ANKRD12: variants seen among roughly 807,000 people sequenced by gnomAD.
ANKRD12 encodes the protein ankyrin repeat domain-containing protein 12.
In ANKRD12, 85 loss-of-function variants were observed where a neutral mutation model predicts 183.4. The observed-to-expected ratio is 0.46, with a 90% CI of 0.39 to 0.56. The LOEUF (loss-of-function observed/expected upper bound fraction) is 0.56, where lower values mean the gene tolerates loss of function less well. Among genes scored for constraint, ANKRD12 ranks in the 20% least tolerant of loss-of-function variants. The pLI, the probability that ANKRD12 is intolerant of heterozygous loss-of-function variation, is 0.00. For synonymous variants in ANKRD12, 914 were observed against 800.2 expected, an observed-to-expected ratio of 1.14 and a Z score of -2.40; for missense variants, 2,405 against 2,357.1, an observed-to-expected ratio of 1.02 and a Z score of -0.42.
intron 7 of ANKRD12, among the ~76,000 whole-genome samples, chr18:9,217,228 C>CT (rs372438445): frequency 1.6e-4 from 25 of 152,168 alleles, no homozygotes; most frequent in African/African-American, 5.8e-4. Flanking sequence ...AATTGCCTAT[C>CT]TTTTGAAGGG....
At chr18:9,177,708 A>G (rs923004467) in intron 1 of ANKRD12, among the ~76,000 whole-genome samples, 2 of 151,998 alleles carry the variant, frequency 1.3e-5, no homozygotes, top group South Asian at 4.1e-4. Context: ...TCTACCCTTT[A>G]ATCAACCTCC....
chr18:9,204,953 C>T (rs1044474475), intron 4 of ANKRD12, among the ~76,000 whole-genome samples: 1 of 152,142 alleles, frequency 6.6e-6, no homozygotes, highest in African/African-American at 2.4e-5. Context: ...GTCATCTTAC[C>T]GTTTAGTCAT....
chr18:9,177,436 A>G (rs1390414053), intron 1 of ANKRD12, among the ~76,000 whole-genome samples: 1 of 125,626 alleles, frequency 8.0e-6, no homozygotes, highest in Non-Finnish European at 1.8e-5. Context: ...TTTTAAAATT[A>G]ATCGTTTAAT....
At chr18:9,241,499 A>T (rs1408845313) in intron 8 of ANKRD12, among the ~76,000 whole-genome samples, 1 of 152,164 alleles carries the variant, frequency 6.6e-6, no homozygotes, top group Non-Finnish European at 1.5e-5. Flanking sequence ...TCCTTGATTA[A>T]GCCTATTTCT....
chr18:9,231,824 CAA>C (rs60799678), intron 8 of ANKRD12, among the ~76,000 whole-genome samples: 8 of 102,410 alleles, frequency 7.8e-5, no homozygotes, highest in African/African-American at 1.2e-4. Flanking sequence ...GACTCTGTCT[CAA>C]AAAAAAAAAA....
intron 8 of ANKRD12, among the ~76,000 whole-genome samples, chr18:9,231,840 A>AAAT (rs1443596075): frequency 6.6e-6 from 1 of 151,634 alleles, no homozygotes; most frequent in Non-Finnish European, 1.5e-5. Flanking sequence ...AAAAAAAAAA[A>AAAT]AAAGATATTT....
At chr18:9,253,361 C>A (rs1308152662) in intron 8 of ANKRD12, among the ~76,000 whole-genome samples, 1 of 152,176 alleles carries the variant, frequency 6.6e-6, no homozygotes, top group African/African-American at 2.4e-5. Context: ...CCTTCCCAGT[C>A]TTTGATAGCT....
chr18:9,262,829 C>T (rs950553331), intron 9 of ANKRD12, among the ~76,000 whole-genome samples: 12 of 109,248 alleles, frequency 1.1e-4, no homozygotes, highest in South Asian at 6.7e-4. Flanking sequence ...GACAGAGTCT[C>T]GCTCTGTCAC....
chr18:9,170,544 G>A (rs1384932319), intron 1 of ANKRD12, among the ~76,000 whole-genome samples: 1 of 152,104 alleles, frequency 6.6e-6, no homozygotes, highest in South Asian at 2.1e-4. Context: ...CTGGTGCCTT[G>A]GTTTTCAGCT....
chr18:9,258,756 C>A lies in ANKRD12; in HGVS notation c.5489C>A (p.Ser1830Ter). Reference sequence around the variant, plus strand: ...CTAGATGAGATTCAGCCATACAGTTCAGAGAGAGCAAATCCATATTTTGAA... The same window carrying A: ...CTAGATGAGATTCAGCCATACAGTTAAGAGAGAGCAAATCCATATTTTGAA... ...LKLDEIQPYS[S>*]ERANPYFEYL... The change falls in exon 9 of 13, where the codon TCA becomes TAA. Residue 1830 changes from serine to a stop codon, truncating the protein, a stop_gained. Coordinates refer to ENST00000262126, the MANE Select transcript of ANKRD12 (RefSeq NM_015208.5). LOFTEE classifies it high-confidence loss of function. The A allele has an allele frequency of 6.2e-7, 1 of 1,613,748 alleles. No homozygotes were observed. Among genetic ancestry groups the A allele is most frequent in the South Asian group, 1.1e-5 (1 of 91,054 alleles).
At chr18:9,173,628 A>AGGGGGG (rs775694472) in intron 1 of ANKRD12, among the ~76,000 whole-genome samples, 98 of 51,254 alleles carry the variant, frequency 1.9e-3, no homozygotes, top group African/African-American at 6.5e-3. Context: ...GGGGGGGGGT[A>AGGGGGG]GGGGGGGCAG....
At chr18:9,220,617 C>T (rs1054993227) in intron 7 of ANKRD12, among the ~76,000 whole-genome samples, 4 of 152,124 alleles carry the variant, frequency 2.6e-5, no homozygotes, top group African/African-American at 7.2e-5. Context: ...GTTTAGTGAA[C>T]TCCATTTGGG....
At chr18:9,222,683 A>G (rs1051621477) in intron 8 of ANKRD12, among the ~76,000 whole-genome samples, 1 of 152,142 alleles carries the variant, frequency 6.6e-6, no homozygotes, top group Non-Finnish European at 1.5e-5. Flanking sequence ...ATTACACATG[A>G]GGGAATAAAA....
chr18:9,211,756 G>T lies in ANKRD12; in HGVS notation c.624G>T (p.Gly208=), dbSNP rs756701604. The change falls in exon 6 of 13, where the codon GGG becomes GGT. Residue 208 remains glycine, a synonymous_variant. Transcript: ENST00000262126. The part of the protein sequence containing the change: ...VKQVKELISL[G]ANVNVKDFAG... ...AAGTTAAAGAATTAATAAGTTTAGG[G>T]GCAAATGTGAATGTGAAAGATTTTG... The T allele has an allele frequency of 1.9e-6, 3 of 1,613,420 alleles. No individual in the cohort carries two copies. The highest frequency in any genetic ancestry group is 2.2e-5 in the East Asian group (1 of 44,814).
At chr18:9,237,321 C>G (rs1375982263) in intron 8 of ANKRD12, among the ~76,000 whole-genome samples, 2 of 152,168 alleles carry the variant, frequency 1.3e-5, no homozygotes, top group African/African-American at 2.4e-5. Flanking sequence ...GATTGATGGT[C>G]ACTGGAGCTG....
At chr18:9,247,301 C>T (rs1448978471) in intron 8 of ANKRD12, among the ~76,000 whole-genome samples, 2 of 149,822 alleles carry the variant, frequency 1.3e-5, no homozygotes, top group Non-Finnish European at 3.0e-5. Context: ...CAACAGCCAA[C>T]CTCATCTCTA....
At chr18:9,201,689 G>C (rs1424380175) in intron 3 of ANKRD12, among the ~76,000 whole-genome samples, 1 of 152,154 alleles carries the variant, frequency 6.6e-6, no homozygotes, top group Non-Finnish European at 1.5e-5. Context: ...GTTCTGTAGA[G>C]ATAAACCAGT....
rs1205470954 is a variant in ANKRD12, at chr18:9,202,635, G to A, written c.236-1841G>A. Among the ~76,000 whole-genome samples the A allele has an allele frequency of 5.9e-5, 9 of 152,160 alleles. No homozygotes were observed. In the East Asian group the frequency reaches 1.2e-3, roughly 20 times the overall value. On this transcript the variant is annotated intron_variant, in intron 3 of 12. Coordinates refer to ENST00000262126, the MANE Select transcript of ANKRD12 (RefSeq NM_015208.5). ...ATACAAGTGTCACTTGTTTTGCCTCGCTACAAGGAACATATGTGGGAGAGA... is the reference window on the plus strand; with the variant it reads ...ATACAAGTGTCACTTGTTTTGCCTCACTACAAGGAACATATGTGGGAGAGA...
At chr18:9,261,088 C>T (rs751907071) in intron 9 of ANKRD12, among the ~76,000 whole-genome samples, 1 of 151,992 alleles carries the variant, frequency 6.6e-6, no homozygotes, top group Non-Finnish European at 1.5e-5. Flanking sequence ...CCATTTCCTT[C>T]ACTCCCTCCT....
Sources: allele counts gnomAD v4.1 joint callset (sites outside exome capture counted in the v4.1 genomes callset), GRCh38; gene constraint gnomAD v4.1.1; transcripts MANE v1.5; gene names NCBI Gene and HGNC (gene_info 2026-07-23, HGNC 2026-07-21).